The following MECOM variants were observed in gnomAD, a reference collection of about 807,000 sequenced individuals.
The protein encoded by MECOM is MDS1 and EVI1 complex locus.
MECOM carries 13 observed loss-of-function variants against 116.3 expected under a neutral mutation model. The ratio of observed to expected loss-of-function variants is 0.11; its 90% CI spans 0.07 to 0.18. MECOM has a LOEUF of 0.18. Among genes scored for constraint, MECOM ranks in the 10% least tolerant of loss-of-function variants. MECOM has a pLI of 1.00. For missense variants in MECOM, 1,299 were observed against 1,509.0 expected (o/e 0.86, Z 2.31); for synonymous variants, 528 against 535.2 (o/e 0.99, Z 0.19).
At chr3:169,096,985 C>T (rs1376647672) in intron 12 of MECOM, among the ~76,000 whole-genome samples, 3 of 149,634 alleles carry the variant, frequency 2.0e-5, no homozygotes, top group African/African-American at 4.9e-5. Context: ...TTTTTAAATG[C>T]GTATAAAGTT....
chr3:169,106,442 AC>A (rs1725465050), intron 10 of MECOM, among the ~76,000 whole-genome samples: 1 of 152,142 alleles, frequency 6.6e-6, no homozygotes, highest in Non-Finnish European at 1.5e-5. Context: ...TGTGTTACAA[AC>A]AATCCACATA....
chr3:169,251,453 A>T (rs922683013), intron 2 of MECOM, among the ~76,000 whole-genome samples: 1 of 152,206 alleles, frequency 6.6e-6, no homozygotes, highest in Non-Finnish European at 1.5e-5. Flanking sequence ...GTTATCTCTC[A>T]GTTCTGTGAG....
intron 2 of MECOM, among the ~76,000 whole-genome samples, chr3:169,348,514 A>G (rs1177936828): frequency 6.6e-6 from 1 of 151,998 alleles, no homozygotes; most frequent in Non-Finnish European, 1.5e-5. Flanking sequence ...TGAGTAGAAT[A>G]TACTCACACC....
chr3:169,382,170 C>G (rs1732496510), intron 1 of MECOM, among the ~76,000 whole-genome samples: 1 of 152,036 alleles, frequency 6.6e-6, no homozygotes, highest in African/African-American at 2.4e-5. Flanking sequence ...TCTGGGTATT[C>G]GTAAACGCTA....
chr3:169,265,033 G>GA (rs61350095), intron 2 of MECOM, among the ~76,000 whole-genome samples: 8,964 of 138,522 alleles, frequency 0.065, 383 homozygotes, highest in Non-Finnish European at 0.09. Context: ...CAGCAAAACA[G>GA]AAAAAAAAAA....
intron 1 of MECOM, among the ~76,000 whole-genome samples, chr3:169,513,925 C>T (rs3905410): frequency 0.21 from 32,612 of 152,118 alleles, 4,244 homozygotes; most frequent in Non-Finnish European, 0.29. Flanking sequence ...ACTTTCTCTG[C>T]ATTTGTAATG....
intron 2 of MECOM, among the ~76,000 whole-genome samples, chr3:169,265,898 G>A (rs1758235490): frequency 1.3e-5 from 2 of 151,724 alleles, no homozygotes; most frequent in South Asian, 4.1e-4. Flanking sequence ...GTGCTATTAA[G>A]CCATTCTTTA....
intron 1 of MECOM, among the ~76,000 whole-genome samples, chr3:169,394,326 T>A (rs1026608320): frequency 6.6e-6 from 1 of 152,174 alleles, no homozygotes; most frequent in African/African-American, 2.4e-5. Flanking sequence ...ATAAGGCAAA[T>A]GCCCAGGAGG....
chr3:169,295,741 T>C (rs1317274767), intron 2 of MECOM, among the ~76,000 whole-genome samples: 2 of 152,194 alleles, frequency 1.3e-5, no homozygotes, highest in Non-Finnish European at 2.9e-5. Flanking sequence ...TCTGGGTAAA[T>C]TGTACCAGGG....
In MECOM at chr3:169,398,621, G is replaced by A. The variant is rs573497066; in HGVS notation, c.38-17097C>T. On this transcript the variant is annotated intron_variant, in intron 1 of 16. Coordinates refer to ENST00000651503, the MANE Select transcript of MECOM (RefSeq NM_004991.4). ...TGTCCATATATATCCTCTGGAATGC[G>A]GCTTCCCTGTGTTGTTTTCTTTGTC... 5.3e-5 allele frequency among the ~76,000 whole-genome samples: 8 copies of A among 152,208 alleles called. No homozygotes were observed. The East Asian group carries it at 7.7e-4, about 15-fold the overall frequency.
intron 2 of MECOM, among the ~76,000 whole-genome samples, chr3:169,275,976 C>T (rs73032789): frequency 0.034 from 5,246 of 152,210 alleles, 236 homozygotes; most frequent in African/African-American, 0.1. Context: ...GGCATATTTA[C>T]TTCTTGTGGA....
intron 1 of MECOM, among the ~76,000 whole-genome samples, chr3:169,649,350 A>G (rs1774579577): frequency 6.9e-6 from 1 of 145,420 alleles, no homozygotes; most frequent in Non-Finnish European, 1.5e-5. Flanking sequence ...CGGAGGTTGC[A>G]GTGAGCCAAG....
At chr3:169,514,793 T>C (rs913631697) in intron 1 of MECOM, among the ~76,000 whole-genome samples, 2 of 152,180 alleles carry the variant, frequency 1.3e-5, no homozygotes, top group Admixed American at 1.3e-4. Context: ...CCAAATATTG[T>C]CTTGGGTTCT....
chr3:169,556,721 C>T (rs933036472), intron 1 of MECOM, among the ~76,000 whole-genome samples: 21 of 152,242 alleles, frequency 1.4e-4, no homozygotes, highest in African/African-American at 4.8e-4. Context: ...GCTGCCATGT[C>T]ATGACAGCCC....
At chr3:169,428,361 C>T (rs1200061205) in intron 1 of MECOM, among the ~76,000 whole-genome samples, 1 of 152,164 alleles carries the variant, frequency 6.6e-6, no homozygotes, top group African/African-American at 2.4e-5. Context: ...ATTAGATTCT[C>T]ATAAAGAGCC....
chr3:169,392,090 A>T (rs1560215189), intron 1 of MECOM, among the ~76,000 whole-genome samples: 1 of 152,186 alleles, frequency 6.6e-6, no homozygotes, highest in African/African-American at 2.4e-5. Context: ...TATTTATGTT[A>T]TCTGTACTTC....
At chr3:169,574,467 T>C (rs1764258778) in intron 1 of MECOM, among the ~76,000 whole-genome samples, 1 of 152,238 alleles carries the variant, frequency 6.6e-6, no homozygotes, top group South Asian at 2.1e-4. Flanking sequence ...CCTCAAGGAT[T>C]TGGGAAATTT....
chr3:169,161,114 AGT>A (rs949334868), intron 2 of MECOM, among the ~76,000 whole-genome samples: 2 of 152,216 alleles, frequency 1.3e-5, no homozygotes, highest in African/African-American at 4.8e-5. Flanking sequence ...TTTGACATTT[AGT>A]GTACATTGAT....
intron 1 of MECOM, among the ~76,000 whole-genome samples, chr3:169,626,093 C>T (rs141318086): frequency 8.5e-5 from 13 of 152,220 alleles, no homozygotes; most frequent in Non-Finnish European, 1.3e-4. Context: ...AAAATATCTC[C>T]AACATTTTCC....
Sources: allele counts gnomAD v4.1 joint callset (sites outside exome capture counted in the v4.1 genomes callset), GRCh38; gene constraint gnomAD v4.1.1; transcripts MANE v1.5; gene names NCBI Gene and HGNC (gene_info 2026-07-23, HGNC 2026-07-21).